The following CCDC32 variants were observed in gnomAD, a reference collection of about 807,000 sequenced individuals.
CCDC32 encodes coiled-coil domain-containing protein 32.
In CCDC32, 9 loss-of-function variants were observed where a neutral mutation model predicts 20.1. The observed-to-expected ratio is 0.45, with a 90% CI of 0.27 to 0.78. The LOEUF (loss-of-function observed/expected upper bound fraction) is 0.78, where lower values mean the gene tolerates loss of function less well. CCDC32 is among the 30% of genes least tolerant of loss of function. The pLI is 0.16. For missense variants in CCDC32, 204 were observed against 215.5 expected, an observed-to-expected ratio of 0.95 and a Z score of 0.33; for synonymous variants, 63 against 79.0, an observed-to-expected ratio of 0.80 and a Z score of 1.07.
chr15:40,521,209 A>G, the CCDC32 span, among the ~76,000 whole-genome samples: 3 of 151,958 alleles, frequency 2.0e-5, no homozygotes, highest in African/African-American at 7.3e-5. Context: ...TATTTTCATC[A>G]CCCCCGAAAA....
chr15:40,522,568 G>T, the CCDC32 span, among the ~76,000 whole-genome samples: 2 of 152,188 alleles, frequency 1.3e-5, no homozygotes, highest in Non-Finnish European at 2.9e-5. Context: ...TCTTAACCAT[G>T]TTAAGTCTTC....
intron 2 of CCDC32, 28 bp from the exon 3 acceptor site, chr15:40,557,400 GA>G: frequency 1.3e-6 from 2 of 1,560,700 alleles, no homozygotes; most frequent in Non-Finnish European, 8.6e-7. Flanking sequence ...GCTTAACAAG[GA>G]AAATGAGCAT....
downstream of CCDC32, chr15:40,538,881 A>G (rs1290147455): frequency 3.9e-6 from 1 of 259,018 alleles, no homozygotes; most frequent in Non-Finnish European, 7.4e-6. Flanking sequence ...AGCTCTGAGT[A>G]TAGGGAACTG....
chr15:40,548,357 C>CG (rs1889707617), downstream of CCDC32, among the ~76,000 whole-genome samples: 3 of 152,140 alleles, frequency 2.0e-5, no homozygotes, highest in South Asian at 2.1e-4. Context: ...CTGTAGCCAG[C>CG]ATAAGTATTA....
At chr15:40,564,817 C>T (rs1366431546) in intron 1 of CCDC32, 159 bp downstream of exon 1, 1 of 1,614,042 alleles carries the variant, frequency 6.2e-7, no homozygotes, top group South Asian at 1.1e-5. Context: ...CAGAACCACG[C>T]AGGAAATTCC....
At position 40,553,856 on chromosome 15, in the gene CCDC32, T is replaced by C. The variant is rs1595890905; in HGVS notation, c.*115A>G. On this transcript the variant is annotated 3_prime_UTR_variant, in exon 4 of 4. Coordinates refer to ENST00000416810, the MANE Select transcript of CCDC32 (RefSeq NM_001080792.4). ...CCTTCAGTGGATTTCTCCCTGCTGC[T>C]GTCACTGAGCTCCACGCTGCTCGCT... is the stretch of plus-strand genomic sequence containing the variant. 4 of 1,444,162 alleles carry C rather than the reference T, an allele frequency of 2.8e-6. No individual in the cohort carries two copies. The East Asian group carries it at 1.0e-4, about 36-fold the overall frequency. 89.5% of individuals were successfully genotyped at this position (1,444,162 alleles called of 1,614,324 possible).
At chr15:40,529,860 A>G (rs1446370479) in intron 3 of CCDC32, among the ~76,000 whole-genome samples, 1 of 151,084 alleles carries the variant, frequency 6.6e-6, no homozygotes, top group East Asian at 2.0e-4. Flanking sequence ...ACGGGGTTTC[A>G]GTGTGTTAGC....
Position 40,553,903 on chromosome 15 carries a change from G to GGTGT in CCDC32, c.*67_*68insACAC, listed in dbSNP as rs1566982952. Reference sequence around the variant, plus strand: ...CGCTCTGGACCCGAGACAGCTGCTCGGCGTGTGTGTGTGTGTGTGTGTGTG... The same window carrying GGTGT: ...CGCTCTGGACCCGAGACAGCTGCTCGGTGTGCGTGTGTGTGTGTGTGTGTGTGTG... On this transcript the variant is annotated 3_prime_UTR_variant, in exon 4 of 4. Coordinates refer to ENST00000416810, the MANE Select transcript of CCDC32 (RefSeq NM_001080792.4). 1 of 1,356,978 alleles carries GGTGT rather than the reference G, an allele frequency of 7.4e-7. No individual in the cohort carries two copies. The highest frequency in any genetic ancestry group is 2.6e-5 in the East Asian group (1 of 38,040). The allele number at this position is 1,356,978 out of a possible 1,614,324, so 84.1% of individuals were successfully genotyped here.
chr15:40,532,072 G>A (rs530039593), downstream of CCDC32: 7 of 460,044 alleles, frequency 1.5e-5, no homozygotes, highest in African/African-American at 1.4e-4. Context: ...ACCGTACTTA[G>A]CATAAAGAAC....
chr15:40,533,437 C>T (rs1303631287), downstream of CCDC32, among the ~76,000 whole-genome samples: 2 of 152,058 alleles, frequency 1.3e-5, no homozygotes, highest in African/African-American at 4.8e-5. Context: ...GCAACCTCTG[C>T]CTCCTGGGTT....
Position 40,557,299 on chromosome 15 carries a change from T to G in CCDC32, c.318A>C (p.Gln106His), listed in dbSNP as rs767111647. 1.2e-6 allele frequency: 2 copies of G among 1,614,218 alleles called. No homozygotes were observed. The highest frequency in any genetic ancestry group is 1.7e-6 in the Non-Finnish European group (2 of 1,180,036). The change falls in exon 3 of 4, where the codon CAA (glutamine) becomes CAC (histidine). Residue 106 changes from glutamine (Q) to histidine (H), a missense_variant. Gln to His is a conservative substitution (Grantham distance 24). Transcript: ENST00000416810. ...TSKDMLRTLAQAKKECWDRFL... is the reference protein window; with the variant it reads ...TSKDMLRTLAHAKKECWDRFL... ...ACCGATCCCAGCATTCCTTCTTGGC[T>G]TGGGCCAGAGTTCGAAGCATGTCCT...
At chr15:40,533,428 C>A (rs1888972542), downstream of CCDC32, among the ~76,000 whole-genome samples, 1 of 152,076 alleles carries the variant, frequency 6.6e-6, no homozygotes, top group Non-Finnish European at 1.5e-5. Flanking sequence ...CAGCTCACTG[C>A]AACCTCTGCC....
intron 3 of CCDC32, among the ~76,000 whole-genome samples, chr15:40,541,966 C>T (rs1434644241): frequency 1.3e-5 from 2 of 152,170 alleles, no homozygotes; most frequent in African/African-American, 4.8e-5. Flanking sequence ...AAGAAGAACT[C>T]ACCAGCTCTC....
intron 3 of CCDC32, among the ~76,000 whole-genome samples, chr15:40,555,892 C>G (rs953910680): frequency 1.3e-5 from 2 of 152,118 alleles, no homozygotes; most frequent in African/African-American, 4.8e-5. Context: ...TTGATTTTTA[C>G]TTTGAATAAT....
downstream of CCDC32, among the ~76,000 whole-genome samples, chr15:40,530,481 C>T (rs1222872731): frequency 6.8e-6 from 1 of 147,090 alleles, no homozygotes; most frequent in Non-Finnish European, 1.5e-5. Flanking sequence ...CTTTTTCTCT[C>T]TCTCTCCCTC....
At chr15:40,532,197 G>T, downstream of CCDC32, 1 of 671,116 alleles carries the variant, frequency 1.5e-6, no homozygotes. Context: ...ATCTGGTCAA[G>T]GGATAGGTTT....
intron 2 of CCDC32, among the ~76,000 whole-genome samples, chr15:40,558,349 A>G (rs529167993): frequency 1.3e-5 from 2 of 152,342 alleles, no homozygotes; most frequent in Admixed American, 1.3e-4. Context: ...CCCATGTAAA[A>G]AAAACCTGCA....
At chr15:40,550,668 C>T (rs553235748), downstream of CCDC32, among the ~76,000 whole-genome samples, 15 of 152,268 alleles carry the variant, frequency 9.9e-5, no homozygotes, top group East Asian at 2.5e-3. Context: ...CCATTGTTTA[C>T]GCTGTCACCT....
downstream of CCDC32, among the ~76,000 whole-genome samples, chr15:40,525,010 G>A (rs1439558031): frequency 6.6e-6 from 1 of 151,004 alleles, no homozygotes; most frequent in African/African-American, 2.4e-5. Context: ...TTACAGGCAT[G>A]AGTCACCATG....
Sources: gnomAD v4.1 joint callset for allele counts (sites outside exome capture counted in the v4.1 genomes callset) on GRCh38, gnomAD v4.1.1 for gene constraint, MANE v1.5 for transcripts, NCBI Gene and HGNC (gene_info 2026-07-23, HGNC 2026-07-21) for gene names.